The following RAB3IP variants were observed in gnomAD, a reference collection of about 807,000 sequenced individuals.
RAB3IP encodes RAB3A interacting protein.
In RAB3IP, 36 loss-of-function variants were observed where a neutral mutation model predicts 59.1. The observed-to-expected ratio is 0.61, with a 90% CI of 0.47 to 0.80. RAB3IP has a LOEUF of 0.80. Among genes scored for constraint, RAB3IP ranks in the 30% least tolerant of loss-of-function variants. The pLI, the probability that RAB3IP is intolerant of heterozygous loss-of-function variation, is 0.00. For synonymous variants in RAB3IP, 207 were observed against 191.2 expected (o/e 1.08, Z -0.68); for missense variants, 511 against 536.0 (o/e 0.95, Z 0.46).
rs1878180455 is a variant in RAB3IP, at chr12:69,800,341, A to G, written c.1017+4A>G. 4.6e-6 allele frequency: 7 copies of G among 1,526,376 alleles called. No individual in the cohort carries two copies. Among genetic ancestry groups the G allele is most frequent in the Non-Finnish European group, 6.2e-6 (7 of 1,125,044 alleles). 94.6% of individuals were successfully genotyped at this position (1,526,376 alleles called of 1,614,324 possible). A position where few individuals can be genotyped will look rare whatever the true frequency, so the allele number is the denominator to read the frequency against. ...TTTAACATTCTCAAAAAGTGAGGTA[A>G]TTTTTTTTCATTTTAGTAGGAATTC... On this transcript the variant is annotated splice_donor_region_variant and intron_variant, in intron 7 of 10. Coordinates refer to ENST00000247833, the MANE Select transcript of RAB3IP (RefSeq NM_022456.5).
At chr12:69,739,060 C>T (rs1017800900) in intron 1 of RAB3IP, 29 bp downstream of exon 1, 25 of 152,130 alleles carry the variant, frequency 1.6e-4, no homozygotes, top group African/African-American at 5.8e-4. Flanking sequence ...GGGAGAGGCC[C>T]GGAGCGTAGA....
intron 7 of RAB3IP, 97 bp downstream of exon 7, chr12:69,800,434 TAA>T: frequency 1.4e-6 from 1 of 700,950 alleles, no homozygotes; most frequent in Non-Finnish European, 2.1e-6. Context: ...CTTACATAAA[TAA>T]GTTATTATAA....
At position 69,820,500 on chromosome 12, in the gene RAB3IP, G is replaced by T. The variant is rs1225753642; in HGVS notation, c.*5054G>T. On this transcript the variant is annotated 3_prime_UTR_variant, in exon 11 of 11. Coordinates refer to ENST00000247833, the MANE Select transcript of RAB3IP (RefSeq NM_022456.5). ...AGGGATCTTTATAAAACGAAAATCAGATAATGTCACTTCCCTGCTTAAAGC... is the reference window on the plus strand; with the variant it reads ...AGGGATCTTTATAAAACGAAAATCATATAATGTCACTTCCCTGCTTAAAGC... The T allele has an allele frequency of 7.3e-6, 1 of 137,042 alleles. No individual in the cohort carries two copies. The highest frequency in any genetic ancestry group is 2.3e-4 in the East Asian group (1 of 4,284). 8.5% of individuals were successfully genotyped at this position (137,042 alleles called of 1,614,324 possible). A position where few individuals can be genotyped will look rare whatever the true frequency, so the allele number is the denominator to read the frequency against.
intron 3 of RAB3IP, among the ~76,000 whole-genome samples, chr12:69,759,839 G>A (rs1416653882): frequency 6.6e-6 from 1 of 151,486 alleles, no homozygotes; most frequent in Non-Finnish European, 1.5e-5. Flanking sequence ...GGGCGGAGGG[G>A]CTCCTCACTT....
chr12:69,765,666 A>C (rs969294124), intron 3 of RAB3IP, among the ~76,000 whole-genome samples: 1 of 152,230 alleles, frequency 6.6e-6, no homozygotes, highest in African/African-American at 2.4e-5. Context: ...GCCTCTGCAC[A>C]GGAGGAGTGA....
At chr12:69,791,420 C>T (rs1592568613) in intron 4 of RAB3IP, among the ~76,000 whole-genome samples, 1 of 152,072 alleles carries the variant, frequency 6.6e-6, no homozygotes, top group East Asian at 1.9e-4. Flanking sequence ...AAAACATTTG[C>T]AAACCGTGTA....
At chr12:69,760,535 C>T (rs1453511428) in intron 3 of RAB3IP, among the ~76,000 whole-genome samples, 1 of 152,194 alleles carries the variant, frequency 6.6e-6, no homozygotes, top group Non-Finnish European at 1.5e-5. Context: ...ATCCAGATTT[C>T]CAACTCGTAT....
chr12:69,791,084 G>A (rs1463759095), intron 4 of RAB3IP, among the ~76,000 whole-genome samples: 1 of 152,178 alleles, frequency 6.6e-6, no homozygotes, highest in African/African-American at 2.4e-5. Flanking sequence ...AGGACACCTA[G>A]TGGGGAGTAG....
chr12:69,815,306 T>C (rs1881004971), intron 10 of RAB3IP, 58 bp from the exon 11 acceptor site: 1 of 1,250,130 alleles, frequency 8.0e-7, no homozygotes, highest in Admixed American at 1.8e-5. Context: ...AGCGAAACAT[T>C]AAAAATAATG....
chr12:69,750,525 A>T (rs976476015), intron 1 of RAB3IP, among the ~76,000 whole-genome samples: 4 of 147,770 alleles, frequency 2.7e-5, no homozygotes. Flanking sequence ...TCTTAAGTTT[A>T]TAAATTCCCT....
chr12:69,796,839 G>C (rs776651015), intron 6 of RAB3IP, among the ~76,000 whole-genome samples: 2 of 152,150 alleles, frequency 1.3e-5, no homozygotes, highest in African/African-American at 2.4e-5. Flanking sequence ...AAGTAATTAT[G>C]TACTTTCCCC....
Position 69,780,217 on chromosome 12 carries a change from A to G in RAB3IP, c.511-4503A>G, listed in dbSNP as rs1049178788. ...TTAGACAGATGCATGTTTCCCCGCAATTCCCTGCACAGATGGGATAGTTCC... is the reference window on the plus strand; with the variant it reads ...TTAGACAGATGCATGTTTCCCCGCAGTTCCCTGCACAGATGGGATAGTTCC... On this transcript the variant is annotated intron_variant, in intron 3 of 10. Transcript: ENST00000247833. 5.3e-5 allele frequency among the ~76,000 whole-genome samples: 8 copies of G among 152,322 alleles called. No individual in the cohort carries two copies. The East Asian group carries it at 5.8e-4, about 11-fold the overall frequency.
intron 8 of RAB3IP, among the ~76,000 whole-genome samples, chr12:69,806,964 C>G (rs977423310): frequency 6.6e-6 from 1 of 152,198 alleles, no homozygotes; most frequent in Non-Finnish European, 1.5e-5. Context: ...AATGGAGTCT[C>G]CTATGTCTAC....
chr12:69,771,631 T>C (rs190372490), intron 3 of RAB3IP, among the ~76,000 whole-genome samples: 12 of 152,356 alleles, frequency 7.9e-5, no homozygotes, highest in Admixed American at 4.6e-4. Context: ...GCTGTCTCTT[T>C]GACATACTGA....
At chr12:69,781,974 T>C (rs1867459553) in intron 3 of RAB3IP, among the ~76,000 whole-genome samples, 1 of 152,254 alleles carries the variant, frequency 6.6e-6, no homozygotes, top group Non-Finnish European at 1.5e-5. Context: ...AGCTTTCCCA[T>C]TTTGCATTGT....
intron 3 of RAB3IP, among the ~76,000 whole-genome samples, chr12:69,766,350 T>A (rs1044821540): frequency 2.0e-5 from 3 of 152,210 alleles, no homozygotes; most frequent in Non-Finnish European, 2.9e-5. Flanking sequence ...GTTCATTTTT[T>A]AAAATTATTT....
upstream of RAB3IP, chr12:69,738,824 C>T (rs1886932103): frequency 6.6e-6 from 1 of 152,156 alleles, no homozygotes; most frequent in Admixed American, 6.5e-5. Flanking sequence ...GAGGACCGGC[C>T]GCTCCCGGCT....
intron 6 of RAB3IP, chr12:69,796,629 A>G (rs1263390479): frequency 3.2e-6 from 2 of 628,156 alleles, no homozygotes; most frequent in Admixed American, 4.9e-5. Flanking sequence ...CGAATTATCA[A>G]TAAAAATGAT....
At chr12:69,743,518 G>A (rs891595374) in intron 1 of RAB3IP, among the ~76,000 whole-genome samples, 1 of 151,866 alleles carries the variant, frequency 6.6e-6, no homozygotes, top group African/African-American at 2.4e-5. Flanking sequence ...TTTATGTTGT[G>A]CTTTACAATG....
Sources: gnomAD v4.1 joint callset for allele counts (sites outside exome capture counted in the v4.1 genomes callset) on GRCh38, gnomAD v4.1.1 for gene constraint, MANE v1.5 for transcripts, NCBI Gene and HGNC (gene_info 2026-07-23, HGNC 2026-07-21) for gene names.